DACH1: variants seen among roughly 807,000 people sequenced by gnomAD.
DACH1 encodes the protein dachshund family transcription factor 1, also known as dachshund homolog 1.
A neutral mutation model predicts 54.2 loss-of-function variants in DACH1; 12 were observed. The ratio of observed to expected loss-of-function variants is 0.22; its 90% CI spans 0.14 to 0.36. DACH1 has a LOEUF of 0.36. Among genes scored for constraint, DACH1 ranks in the 10% least tolerant of loss-of-function variants. The pLI is 1.00. For synonymous variants in DACH1, 386 were observed against 366.2 expected (o/e 1.05, Z -0.62); for missense variants, 805 against 929.8 (o/e 0.87, Z 1.75).
chr13:71,559,002 A>C (rs763345557), intron 5 of DACH1, among the ~76,000 whole-genome samples: 1 of 152,116 alleles, frequency 6.6e-6, no homozygotes, highest in Non-Finnish European at 1.5e-5. Flanking sequence ...ATTGCATAAA[A>C]TAATAGCTAA....
At chr13:71,717,313 TTA>T (rs1396378070) in intron 1 of DACH1, among the ~76,000 whole-genome samples, 1 of 152,166 alleles carries the variant, frequency 6.6e-6, no homozygotes, top group Non-Finnish European at 1.5e-5. Context: ...TACTTTCACT[TTA>T]TCTCACTGTA....
intron 1 of DACH1, among the ~76,000 whole-genome samples, chr13:71,702,761 T>G (rs186224445): frequency 3.8e-4 from 58 of 152,240 alleles, no homozygotes; most frequent in Non-Finnish European, 7.4e-4. Flanking sequence ...AACCATAAAT[T>G]ACTTCTTTAA....
chr13:71,761,316 A>G, intron 1 of DACH1, among the ~76,000 whole-genome samples: 1 of 152,162 alleles, frequency 6.6e-6, no homozygotes, highest in East Asian at 1.9e-4. Context: ...AGAGGGTACA[A>G]TGTGTATAAT....
chr13:71,532,437 G>A (rs368933723), intron 6 of DACH1, among the ~76,000 whole-genome samples: 215 of 151,802 alleles, frequency 1.4e-3, no homozygotes, highest in African/African-American at 4.7e-3. Flanking sequence ...ACTAACTCCC[G>A]TTCCACCAAA....
At chr13:71,567,847 C>A (rs551293473) in intron 4 of DACH1, among the ~76,000 whole-genome samples, 32 of 151,886 alleles carry the variant, frequency 2.1e-4, no homozygotes, top group Non-Finnish European at 1.5e-5. Context: ...TCAGCAAGTA[C>A]GCCCTTTTCA....
chr13:71,534,410 T>C (rs905760123), intron 6 of DACH1, among the ~76,000 whole-genome samples: 2 of 152,020 alleles, frequency 1.3e-5, no homozygotes, highest in Non-Finnish European at 2.9e-5. Flanking sequence ...TGTTAATGAT[T>C]TGAAATCATT....
In DACH1 at chr13:71,715,041, G is replaced by A. The variant is rs141137698; in HGVS notation, c.849-33131C>T. Among the ~76,000 whole-genome samples, 431 of 152,086 alleles carry A rather than the reference G, an allele frequency of 2.8e-3. 8 individuals are homozygous for A. The highest frequency in any genetic ancestry group is 6.9e-4 in the Non-Finnish European group (47 of 67,948). On this transcript the variant is annotated intron_variant, in intron 1 of 10. Coordinates refer to ENST00000613252, the MANE Select transcript of DACH1 (RefSeq NM_080759.6). Reference sequence around the variant, plus strand: ...CTATCTCATTTAAATTCCAACAACCGTTTTAGGCAGATATTATTATCTCCA... The same window carrying A: ...CTATCTCATTTAAATTCCAACAACCATTTTAGGCAGATATTATTATCTCCA...
intron 1 of DACH1, among the ~76,000 whole-genome samples, chr13:71,783,668 G>T (rs1398607105): frequency 1.3e-5 from 2 of 152,028 alleles, no homozygotes; most frequent in African/African-American, 2.4e-5. Flanking sequence ...TTATAAGAAG[G>T]AGTCTTAAGA....
At chr13:71,749,752 G>T (rs986660128) in intron 1 of DACH1, among the ~76,000 whole-genome samples, 1 of 152,098 alleles carries the variant, frequency 6.6e-6, no homozygotes, top group African/African-American at 2.4e-5. Flanking sequence ...ACCATTCTGT[G>T]AACCCGACTA....
intron 1 of DACH1, among the ~76,000 whole-genome samples, chr13:71,746,502 A>G (rs1884607206): frequency 6.6e-6 from 1 of 152,212 alleles, no homozygotes; most frequent in Non-Finnish European, 1.5e-5. Context: ...GATGAAATCA[A>G]CTACAAAAAT....
intron 1 of DACH1, among the ~76,000 whole-genome samples, chr13:71,748,316 A>T (rs1309413885): frequency 6.6e-6 from 1 of 152,164 alleles, no homozygotes; most frequent in East Asian, 1.9e-4. Context: ...CAACTTTGAG[A>T]CCATACACTT....
intron 1 of DACH1, among the ~76,000 whole-genome samples, chr13:71,792,236 G>A (rs940738978): frequency 6.6e-6 from 1 of 151,912 alleles, no homozygotes; most frequent in African/African-American, 2.4e-5. Context: ...CTCAACTCTA[G>A]TTTGCAAAAT....
chr13:71,499,229 A>G (rs1879714556), intron 6 of DACH1, among the ~76,000 whole-genome samples: 1 of 151,728 alleles, frequency 6.6e-6, no homozygotes, highest in Non-Finnish European at 1.5e-5. Flanking sequence ...TTTATGCAAG[A>G]ACTGGCATAG....
chr13:71,440,754 A>G, intron 10 of DACH1, 62 bp from the exon 11 acceptor site: 1 of 1,275,586 alleles, frequency 7.8e-7, no homozygotes. Context: ...ATGTGCATGT[A>G]AAAATGATGT....
At chr13:71,642,918 G>A (rs1254189886) in intron 2 of DACH1, among the ~76,000 whole-genome samples, 4 of 151,892 alleles carry the variant, frequency 2.6e-5, no homozygotes, top group African/African-American at 4.8e-5. Flanking sequence ...CCAGCTACTC[G>A]GGAGGCTGAG....
chr13:71,564,473 GA>G (rs200872404), intron 4 of DACH1, among the ~76,000 whole-genome samples: 1,501 of 123,284 alleles, frequency 0.012, 8 homozygotes, highest in African/African-American at 0.021. Flanking sequence ...CTCTTTCACT[GA>G]AAAAAAAAAA....
intron 1 of DACH1, among the ~76,000 whole-genome samples, chr13:71,693,455 A>G (rs905286526): frequency 2.0e-5 from 3 of 146,344 alleles, no homozygotes; most frequent in Admixed American, 6.8e-5. Flanking sequence ...GGTGCTCACC[A>G]CCACGCCCGG....
intron 1 of DACH1, among the ~76,000 whole-genome samples, chr13:71,779,167 GTATA>G (rs199585466): frequency 3.8e-4 from 31 of 80,532 alleles, no homozygotes; most frequent in African/African-American, 1.1e-3. Flanking sequence ...ACGTATATAC[GTATA>G]TATATACACA....
At chr13:71,654,953 G>A (rs185251708) in intron 2 of DACH1, among the ~76,000 whole-genome samples, 1 of 152,178 alleles carries the variant, frequency 6.6e-6, no homozygotes, top group African/African-American at 2.4e-5. Flanking sequence ...TTTGCATGTT[G>A]TACAGACTTA....
Sources: gnomAD v4.1 joint callset for allele counts (sites outside exome capture counted in the v4.1 genomes callset) on GRCh38, gnomAD v4.1.1 for gene constraint, MANE v1.5 for transcripts, NCBI Gene and HGNC (gene_info 2026-07-23, HGNC 2026-07-21) for gene names.